Variants in ZBTB17 observed in about 807,000 individuals in gnomAD.
The protein encoded by ZBTB17 is zinc finger and BTB domain containing 17.
In ZBTB17, 24 loss-of-function variants were observed where a neutral mutation model predicts 85.1. That is an observed-to-expected ratio of 0.28 (90% CI 0.20 to 0.40). ZBTB17 has a LOEUF of 0.40. ZBTB17 is among the 10% of genes least tolerant of loss of function. The probability of loss-of-function intolerance (pLI) is 1.00; values close to 1 mark genes in which losing one functional copy is unlikely to be tolerated. For missense variants in ZBTB17, 743 were observed against 1,105.1 expected (o/e 0.67, Z 4.65); for synonymous variants, 464 against 460.2 (o/e 1.01, Z -0.11).
At chr1:15,949,614 A>G (rs951721191) in intron 2 of ZBTB17, among the ~76,000 whole-genome samples, 6 of 152,146 alleles carry the variant, frequency 3.9e-5, no homozygotes, top group African/African-American at 7.2e-5. Context: ...TGGGCAGGTG[A>G]GAGGGACACT....
At position 15,942,619 on chromosome 1, in the gene ZBTB17, C is replaced by T; in HGVS notation, c.1948G>A (p.Glu650Lys). ...KAGIKILEPE[E>K]GSEVSVVTVD... ...GTGACCACGCTGACCTCACTGCCCT[C>T]CTCGGGCTCCAGGATCTTGATGCCT... The change falls in exon 14 of 16, where the codon GAG becomes AAG. Residue 650 changes from glutamate to lysine, a missense_variant. By Grantham distance (56) the Glu-to-Lys change is moderately conservative (BLOSUM62 1). This residue lies in a region of ZBTB17 where 321 missense variants were observed against 615.7 expected (regional missense o/e 0.52). Transcript: ENST00000375743. 1 of 1,613,562 alleles carries T rather than the reference C, an allele frequency of 6.2e-7. No homozygotes were observed. The highest frequency in any genetic ancestry group is 1.1e-5 in the South Asian group (1 of 91,090).
At position 15,942,566 on chromosome 1, in the gene ZBTB17, G is replaced by C. The variant is rs753306123; in HGVS notation, c.2001C>G (p.Thr667=). ...VTVDDMVTLA[T]EALAATAVTQ... is the part of the protein sequence containing the mutation. ...TGACGGCTGTCGCTGCCAGTGCCTC[G>C]GTAGCCAGCGTGACCATGTCATCCA... is the stretch of plus-strand genomic sequence containing the variant. The change falls in exon 14 of 16, where the codon ACC becomes ACG. Residue 667 remains threonine, a synonymous_variant. Coordinates refer to ENST00000375743, the MANE Select transcript of ZBTB17 (RefSeq NM_003443.3). 1.2e-6 allele frequency: 2 copies of C among 1,612,018 alleles called. No homozygotes were observed.
chr1:15,944,283 G>A lies in ZBTB17; in HGVS notation c.1371+17C>T, dbSNP rs1021262984. On this transcript the variant is annotated intron_variant, in intron 9 of 15. Transcript: ENST00000375743. ...CCGGCGGCTGCCAGGCGCTGGTTCC[G>A]GGAGGGGTCCGCACACCTGGTTGAA... is the stretch of plus-strand genomic sequence containing the variant. 1.2e-5 allele frequency: 18 copies of A among 1,549,812 alleles called. No individual in the cohort carries two copies. Among genetic ancestry groups the A allele is most frequent in the Non-Finnish European group, 1.5e-5 (17 of 1,146,868 alleles).
Position 15,942,003 on chromosome 1 carries a change from G to A in ZBTB17, c.2378C>T (p.Pro793Leu), listed in dbSNP as rs756051950. The change falls in exon 16 of 16, where the codon CCT (proline) becomes CTT (leucine). Residue 793 changes from proline to leucine, a missense_variant. This residue lies in a region of ZBTB17 where 69 missense variants were observed against 77.0 expected (regional missense o/e 0.90). Transcript: ENST00000375743. ...AGGCGGGGGACATTCAGGAGCTGTAGGGGAGGTCTCTGCCAGTGCGGGCTG... is the reference window on the plus strand; with the variant it reads ...AGGCGGGGGACATTCAGGAGCTGTAAGGGAGGTCTCTGCCAGTGCGGGCTG... ...EGQPALAETS[P>L]TAPECPPPAE The A allele has an allele frequency of 6.2e-7, 1 of 1,604,502 alleles. No individual in the cohort carries two copies. The highest frequency in any genetic ancestry group is 2.2e-5 in the East Asian group (1 of 44,830).
At chr1:15,961,622 C>A (rs1420707269) in intron 2 of ZBTB17, among the ~76,000 whole-genome samples, 1 of 152,332 alleles carries the variant, frequency 6.6e-6, no homozygotes, top group Non-Finnish European at 1.5e-5. Context: ...GGGCCCAGGG[C>A]TCGCCCTTCA....
Position 15,952,545 on chromosome 1 carries a change from C to T in ZBTB17, c.-2-4048G>A, listed in dbSNP as rs1426217053. Among the ~76,000 whole-genome samples the T allele has an allele frequency of 3.9e-5, 6 of 152,244 alleles. No individual in the cohort carries two copies. Among genetic ancestry groups the T allele is most frequent in the African/African-American group, 1.2e-4 (5 of 41,460 alleles). ...TCCCATGGAGAGACGGTGTCTGTTT[C>T]CCTCCTGTCGGAATCTGGATGGCCC... On this transcript the variant is annotated intron_variant, in intron 2 of 15. Coordinates refer to ENST00000375743, the MANE Select transcript of ZBTB17 (RefSeq NM_003443.3). The surrounding 1 kb of genome is among the most constrained non-coding windows in gnomAD (Gnocchi z 4.3).
Position 15,973,987 on chromosome 1 carries a change from C to T in ZBTB17, c.-89-862G>A, listed in dbSNP as rs1183933477. The stretch of plus-strand genomic sequence containing the variant: ...GGAGGATCATTTGAGGCCAAGAGTT[C>T]GAGACCAGTCTGGGCAACATAGTGA... On this transcript the variant is annotated intron_variant, in intron 1 of 15. Coordinates refer to ENST00000375743, the MANE Select transcript of ZBTB17 (RefSeq NM_003443.3). The surrounding 1 kb of genome is among the most constrained non-coding windows in gnomAD (Gnocchi z 4.1). Among the ~76,000 whole-genome samples the T allele has an allele frequency of 2.0e-5, 3 of 151,818 alleles. No individual in the cohort carries two copies. The highest frequency in any genetic ancestry group is 1.9e-4 in the East Asian group (1 of 5,172).
Position 15,943,125 on chromosome 1 carries a change from G to T in ZBTB17, c.1767C>A (p.Ser589Arg). Reference sequence around the variant, plus strand: ...CGTTCACGAAGGCCTTGCTGCACACGCTGCACTTGTGTGGGCGGATGTTGT... The same window carrying T: ...CGTTCACGAAGGCCTTGCTGCACACTCTGCACTTGTGTGGGCGGATGTTGT... The part of the protein sequence containing the change: ...HHDNIRPHKC[S>R]VCSKAFVNVG... Residue 589 changes from serine (S) to arginine (R), a missense_variant, in exon 13 of 16, where the codon AGC becomes AGA. Coordinates refer to ENST00000375743, the MANE Select transcript of ZBTB17 (RefSeq NM_003443.3). 1 of 1,614,128 alleles carries T rather than the reference G, an allele frequency of 6.2e-7. No individual in the cohort carries two copies.
Position 15,944,336 on chromosome 1 carries a change from C to G in ZBTB17, c.1335G>C (p.Glu445Asp). The change falls in exon 9 of 16, where the codon GAG becomes GAC. Residue 445 changes from glutamate (E) to aspartate (D), a missense_variant. Transcript: ENST00000375743. ...RHLETHDTDK[E>D]HKCPHCDKKF... Reference sequence around the variant, plus strand: ...TCTTGTCGCAGTGTGGGCACTTGTGCTCCTTGTCCGTGTCGTGGGTCTCCA... The same window carrying G: ...TCTTGTCGCAGTGTGGGCACTTGTGGTCCTTGTCCGTGTCGTGGGTCTCCA... The G allele has an allele frequency of 6.4e-7, 1 of 1,555,862 alleles. No homozygotes were observed. The highest frequency in any genetic ancestry group is 2.4e-5 in the East Asian group (1 of 41,146).
At chr1:15,974,538 A>G (rs2072790712) in intron 1 of ZBTB17, among the ~76,000 whole-genome samples, 1 of 151,428 alleles carries the variant, frequency 6.6e-6, no homozygotes, top group African/African-American at 2.4e-5. Flanking sequence ...TAGGTTTACA[A>G]CGTCCCCTAA....
intron 2 of ZBTB17, among the ~76,000 whole-genome samples, chr1:15,972,044 C>T (rs1046331838): frequency 6.6e-5 from 10 of 152,140 alleles, no homozygotes; most frequent in Non-Finnish European, 1.3e-4. Context: ...CCAAAATGCG[C>T]GGTTTGCAAC....
chr1:15,954,586 C>G (rs989171145), intron 2 of ZBTB17, among the ~76,000 whole-genome samples: 1 of 152,146 alleles, frequency 6.6e-6, no homozygotes, highest in Non-Finnish European at 1.5e-5. Flanking sequence ...GAGCCAGGCA[C>G]GGTGGCTCAC....
chr1:15,955,758 A>G (rs2072023687), intron 2 of ZBTB17, among the ~76,000 whole-genome samples: 1 of 152,236 alleles, frequency 6.6e-6, no homozygotes. Flanking sequence ...ACTTGAGACC[A>G]GCCTGGGCAA....
At chr1:15,944,161 G>T in intron 9 of ZBTB17, 139 bp downstream of exon 9, 1 of 1,305,938 alleles carries the variant, frequency 7.7e-7, no homozygotes, top group Non-Finnish European at 1.1e-6. Context: ...GGCTCTCGCT[G>T]CGCCTGTTTC....
Position 15,953,549 on chromosome 1 carries a change from T to C in ZBTB17, c.-2-5052A>G, listed in dbSNP as rs1355349968. Among the ~76,000 whole-genome samples the C allele has an allele frequency of 6.6e-6, 1 of 152,222 alleles. No homozygotes were observed. The highest frequency in any genetic ancestry group is 6.5e-5 in the Admixed American group (1 of 15,290). On this transcript the variant is annotated intron_variant, in intron 2 of 15. Coordinates refer to ENST00000375743, the MANE Select transcript of ZBTB17 (RefSeq NM_003443.3). This position sits in a 1 kb window ranked among gnomAD's most constrained non-coding sequence, Gnocchi z 5.1. ...GCCCCAGAAAGCACAACCCATTGCA[T>C]CTGTCTTGCAGTCCCAAAGCACCAC...
intron 6 of ZBTB17, 55 bp from the exon 7 acceptor site, chr1:15,945,257 T>G: frequency 6.5e-7 from 1 of 1,534,354 alleles, no homozygotes; most frequent in South Asian, 1.2e-5. Context: ...TGAGCGCACG[T>G]GAGGGGCGCC....
chr1:15,946,031 G>C (rs775161412), intron 5 of ZBTB17, 123 bp downstream of exon 5: 1 of 1,562,078 alleles, frequency 6.4e-7, no homozygotes, highest in South Asian at 1.1e-5. Flanking sequence ...GTCATTCTGG[G>C]TAACACAGGC....
intron 2 of ZBTB17, among the ~76,000 whole-genome samples, chr1:15,969,267 C>T (rs1364062536): frequency 6.6e-6 from 1 of 152,154 alleles, no homozygotes; most frequent in African/African-American, 2.4e-5. Context: ...GCTCAGGACT[C>T]CCACTGACTC....
rs1418908551 is a variant in ZBTB17 at position 15,971,409 on chromosome 1, C to T, written c.-3+1630G>A. On this transcript the variant is annotated intron_variant, in intron 2 of 15. Coordinates refer to ENST00000375743, the MANE Select transcript of ZBTB17 (RefSeq NM_003443.3). ...TATATATATACACACTATATATATA[C>T]ACACACACTATATATATATACACAC... Among the ~76,000 whole-genome samples, 4 of 139,068 alleles carry T rather than the reference C, an allele frequency of 2.9e-5. No homozygotes were observed. In the South Asian group the frequency reaches 6.5e-4, roughly 23 times the overall value. The allele number at this position is 139,068 out of a possible 152,430, so 91.2% of individuals were successfully genotyped here.
Sources: gnomAD v4.1 joint callset for allele counts (sites outside exome capture counted in the v4.1 genomes callset) on GRCh38, gnomAD v4.1.1 for gene constraint, gnomAD v4.1.1 regional missense constraint, Gnocchi (gnomAD v3.1) non-coding constraint, MANE v1.5 for transcripts, NCBI Gene and HGNC (gene_info 2026-07-23, HGNC 2026-07-21) for gene names.